CRLF3: variants seen among roughly 807,000 people sequenced by gnomAD.
The protein encoded by CRLF3 is cytokine receptor like factor 3, also known as cytokine receptor-like factor 3.
Under a neutral mutation model 55.0 loss-of-function variants are expected in CRLF3, and 33 were observed. The observed-to-expected ratio is 0.60, with a 90% confidence interval of 0.46 to 0.80. CRLF3 has a LOEUF of 0.80. Among genes scored for constraint, CRLF3 ranks in the 30% least tolerant of loss-of-function variants. The probability of loss-of-function intolerance (pLI) is 0.00; values close to 1 mark genes in which losing one functional copy is unlikely to be tolerated. For missense variants in CRLF3, 494 were observed against 538.4 expected (o/e 0.92, Z 0.82); for synonymous variants, 238 against 196.8 (o/e 1.21, Z -1.75).
intron 6 of CRLF3, among the ~76,000 whole-genome samples, chr17:30,788,346 AAAG>A (rs1389473283): frequency 2.0e-5 from 3 of 149,376 alleles, no homozygotes; most frequent in Admixed American, 6.7e-5. Flanking sequence ...AAAGAAAAGA[AAAG>A]AAAAGAAAGA....
At position 30,800,116 on chromosome 17, in the gene CRLF3, T is replaced by C. The variant is rs954042575; in HGVS notation, c.338-2718A>G. ...GCCATGTGAATCATCCACGCCTTTT[T>C]CCCACACCACTCCCAGCACTCATTC... On this transcript the variant is annotated intron_variant, in intron 2 of 7. Transcript: ENST00000324238. Among the ~76,000 whole-genome samples, 3 of 152,146 alleles carry C rather than the reference T, an allele frequency of 2.0e-5. No homozygotes were observed. In the East Asian group the frequency reaches 5.8e-4, roughly 29 times the overall value.
rs1240033876 is a variant in CRLF3, at chr17:30,782,881, A to G, written c.*1306T>C. 1 of 148,822 alleles carries G rather than the reference A, an allele frequency of 6.7e-6. No individual in the cohort carries two copies. Among genetic ancestry groups the G allele is most frequent in the Non-Finnish European group, 1.5e-5 (1 of 67,154 alleles). 9.2% of individuals were successfully genotyped at this position (148,822 alleles called of 1,614,324 possible). On this transcript the variant is annotated 3_prime_UTR_variant, in exon 8 of 8. Transcript: ENST00000324238. ...ACAAAAATATCATACTTGCTTTTCT[A>G]CTTTTTTACTATACTGGTAAAAATG... is the stretch of plus-strand genomic sequence containing the variant.
chr17:30,808,654 G>C (rs747258983), intron 1 of CRLF3, among the ~76,000 whole-genome samples: 4 of 150,834 alleles, frequency 2.7e-5, no homozygotes, highest in African/African-American at 9.8e-5. Flanking sequence ...GTGCAGTGGC[G>C]CCAACTCGGC....
At chr17:30,817,417 G>T (rs1281086707) in intron 1 of CRLF3, among the ~76,000 whole-genome samples, 2 of 151,104 alleles carry the variant, frequency 1.3e-5, no homozygotes, top group Non-Finnish European at 3.0e-5. Flanking sequence ...CAGTCTGGGT[G>T]ACAAAGTGAG....
chr17:30,793,263 ACT>A, intron 5 of CRLF3, among the ~76,000 whole-genome samples, 185 bp downstream of exon 5: 1 of 151,566 alleles, frequency 6.6e-6, no homozygotes, highest in Middle Eastern at 3.4e-3. Flanking sequence ...TTTTTTTTGG[ACT>A]CTGAAGAACT....
At position 30,824,654 on chromosome 17, in the gene CRLF3, G is replaced by C; in HGVS notation, c.-3C>G. The C allele has an allele frequency of 5.7e-6, 9 of 1,587,938 alleles. No homozygotes were observed. The highest frequency in any genetic ancestry group is 7.7e-6 in the Non-Finnish European group (9 of 1,172,822). On this transcript the variant is annotated 5_prime_UTR_variant, in exon 1 of 8. Coordinates refer to ENST00000324238, the MANE Select transcript of CRLF3 (RefSeq NM_015986.4). ...TCCAGCTCCATCGCCCCCCTCATCT[G>C]GCCGCGCGGCCGGCGAAACCTAGCG... is the stretch of plus-strand genomic sequence containing the variant.
intron 1 of CRLF3, among the ~76,000 whole-genome samples, chr17:30,811,083 T>C (rs1012690655): frequency 1.3e-5 from 2 of 152,098 alleles, no homozygotes; most frequent in Non-Finnish European, 2.9e-5. Context: ...AGTGAGACCC[T>C]GCCTCAAAAA....
At chr17:30,814,075 A>G (rs548140320) in intron 1 of CRLF3, among the ~76,000 whole-genome samples, 1 of 151,748 alleles carries the variant, frequency 6.6e-6, no homozygotes, top group Non-Finnish European at 1.5e-5. Flanking sequence ...TGGCCAACAC[A>G]GTGAAACCTC....
At chr17:30,786,990 ACACCTG>A in intron 6 of CRLF3, among the ~76,000 whole-genome samples, 2 of 151,754 alleles carry the variant, frequency 1.3e-5, no homozygotes, top group African/African-American at 4.8e-5. Flanking sequence ...GTGAGCCACC[ACACCTG>A]GCCTAATTTT....
At position 30,784,107 on chromosome 17, in the gene CRLF3, T is replaced by G. The variant is rs3752020; in HGVS notation, c.*80A>C. On this transcript the variant is annotated 3_prime_UTR_variant, in exon 8 of 8. Coordinates refer to ENST00000324238, the MANE Select transcript of CRLF3 (RefSeq NM_015986.4). ...CTAAGTTAGAGATGAATTCAACTTT[T>G]TTTTTAAAGCAATTACAACTACGCT... is the stretch of plus-strand genomic sequence containing the variant. 0.12 allele frequency: 164,002 copies of G among 1,313,152 alleles called. 11,494 individuals are homozygous for G. Among genetic ancestry groups the G allele is most frequent in the South Asian group, 0.25 (16,993 of 67,782 alleles). 81.3% of individuals were successfully genotyped at this position (1,313,152 alleles called of 1,614,324 possible).
chr17:30,797,756 G>A (rs1373351377), intron 2 of CRLF3, among the ~76,000 whole-genome samples: 1 of 150,052 alleles, frequency 6.7e-6, no homozygotes, highest in Admixed American at 6.7e-5. Context: ...GCCCTGAGAG[G>A]TGCAACAGGG....
At chr17:30,823,481 A>G (rs1905055581) in intron 1 of CRLF3, among the ~76,000 whole-genome samples, 2 of 151,706 alleles carry the variant, frequency 1.3e-5, no homozygotes, top group South Asian at 4.2e-4. Context: ...AGACACTGTT[A>G]GCACAGCACT....
At chr17:30,806,874 A>G (rs866256121) in intron 1 of CRLF3, among the ~76,000 whole-genome samples, 31 of 152,058 alleles carry the variant, frequency 2.0e-4, no homozygotes, top group African/African-American at 7.0e-4. Context: ...GCTTCAAGCA[A>G]TCCTCCCACC....
At chr17:30,824,500 C>T in intron 1 of CRLF3, 23 bp downstream of exon 1, 1 of 1,575,782 alleles carries the variant, frequency 6.3e-7, no homozygotes, top group South Asian at 1.1e-5. Flanking sequence ...CCCACAGCGC[C>T]CCTGTGGGTG....
chr17:30,823,189 T>G (rs1003156786), intron 1 of CRLF3, among the ~76,000 whole-genome samples: 14 of 151,730 alleles, frequency 9.2e-5, no homozygotes, highest in African/African-American at 2.9e-4. Context: ...TGGTGAAACC[T>G]CCTCTCTACT....
intron 5 of CRLF3, 131 bp from the exon 6 acceptor site, chr17:30,792,703 G>T: frequency 1.3e-6 from 1 of 741,978 alleles, no homozygotes; most frequent in Non-Finnish European, 2.2e-6. Flanking sequence ...TAAAATAAAA[G>T]ATTCCATTAA....
chr17:30,794,685 A>C (rs1971880217), intron 4 of CRLF3, among the ~76,000 whole-genome samples: 1 of 152,042 alleles, frequency 6.6e-6, no homozygotes, highest in South Asian at 2.1e-4. Context: ...TGAAGTCCCA[A>C]TTACTTGGGG....
At chr17:30,796,949 A>C (rs768212983) in intron 3 of CRLF3, among the ~76,000 whole-genome samples, 4 of 151,908 alleles carry the variant, frequency 2.6e-5, no homozygotes, top group Non-Finnish European at 4.4e-5. Flanking sequence ...CCCAGGCTGG[A>C]GTGTAGTGGT....
intron 7 of CRLF3, chr17:30,784,884 G>A (rs9891166): frequency 0.13 from 20,211 of 159,068 alleles, 1,358 homozygotes; most frequent in South Asian, 0.25. Flanking sequence ...TGAGCCTCTC[G>A]GATTACAGGT....
Sources: gnomAD v4.1 joint callset for allele counts (sites outside exome capture counted in the v4.1 genomes callset) on GRCh38, gnomAD v4.1.1 for gene constraint, MANE v1.5 for transcripts, NCBI Gene and HGNC (gene_info 2026-07-23, HGNC 2026-07-21) for gene names.